Variants in MGAT4C observed in about 807,000 individuals in gnomAD.
MGAT4C encodes alpha-1,3-mannosyl-glycoprotein 4-beta-N-acetylglucosaminyltransferase C.
A neutral mutation model predicts 40.1 loss-of-function variants in MGAT4C; 19 were observed. That is an observed-to-expected ratio of 0.47 (90% CI 0.33 to 0.70). MGAT4C has a LOEUF of 0.70. MGAT4C is among the 30% of genes least tolerant of loss of function. The pLI is 0.02. For synonymous variants in MGAT4C, 181 were observed against 187.1 expected (o/e 0.97, Z 0.27); for missense variants, 491 against 563.2 (o/e 0.87, Z 1.30).
intron 2 of MGAT4C, among the ~76,000 whole-genome samples, chr12:86,467,948 G>A (rs1048015375): frequency 3.9e-5 from 6 of 151,990 alleles, no homozygotes; most frequent in African/African-American, 1.4e-4. Context: ...TGAATTAGCT[G>A]CTATCTTTTT....
At position 86,802,761 on chromosome 12, in the gene MGAT4C, A is replaced by C. The variant is rs1273437792; in HGVS notation, c.-262+35905T>G. On this transcript the variant is annotated intron_variant, in intron 1 of 7. Coordinates refer to the MGAT4C transcript ENST00000548651. The stretch of plus-strand genomic sequence containing the variant: ...TACAAACCACTGCTCAAAGAAATAA[A>C]AGAGGATACAAACAAATGGAAGAAC... 2.7e-5 allele frequency among the ~76,000 whole-genome samples: 4 copies of C among 146,782 alleles called. No individual in the cohort carries two copies. The East Asian group carries it at 7.9e-4, about 29-fold the overall frequency.
At position 85,977,579 on chromosome 12, in the gene MGAT4C, C is replaced by T. The variant is rs1884087933; in HGVS notation, c.*1710G>A. On this transcript the variant is annotated 3_prime_UTR_variant, in exon 5 of 5. Coordinates refer to ENST00000611864, the MANE Select transcript of MGAT4C (RefSeq NM_001351288.2). ...AGTAGCTGAATACAAAGAAAATACA[C>T]AACAGCTGTTTATAAATGAAATAAA... 6.6e-6 allele frequency: 1 copy of T among 151,364 alleles called. No individual in the cohort carries two copies. The highest frequency in any genetic ancestry group is 1.5e-5 in the Non-Finnish European group (1 of 67,524). The allele number at this position is 151,364 out of a possible 1,614,324, so 9.4% of individuals were successfully genotyped here. A position where few individuals can be genotyped will look rare whatever the true frequency, so the allele number is the denominator to read the frequency against.
At chr12:86,126,732 C>G (rs553982829) in intron 1 of MGAT4C, among the ~76,000 whole-genome samples, 1 of 152,162 alleles carries the variant, frequency 6.6e-6, no homozygotes, top group East Asian at 1.9e-4. Context: ...GGAATATGTT[C>G]TGAGAAAATG....
At chr12:86,149,494 G>A (rs143453744) in intron 1 of MGAT4C, among the ~76,000 whole-genome samples, 26 of 152,254 alleles carry the variant, frequency 1.7e-4, no homozygotes, top group African/African-American at 6.3e-4. Context: ...TTTTTACAGT[G>A]TTCACTTAAG....
At chr12:85,983,806 G>A (rs990353557) in intron 3 of MGAT4C, 136 bp from the exon 4 acceptor site, 10 of 635,536 alleles carry the variant, frequency 1.6e-5, no homozygotes, top group South Asian at 3.9e-5. Context: ...AACTACTGAC[G>A]TCATAAGCTG....
At chr12:86,151,310 G>GAA (rs11399448) in intron 1 of MGAT4C, among the ~76,000 whole-genome samples, 33 of 150,418 alleles carry the variant, frequency 2.2e-4, no homozygotes, top group East Asian at 1.6e-3. Context: ...ACACACAGCG[G>GAA]AAAAAAAAAA....
intron 1 of MGAT4C, among the ~76,000 whole-genome samples, chr12:86,241,082 C>T (rs1359927235): frequency 6.6e-6 from 1 of 152,042 alleles, no homozygotes; most frequent in Non-Finnish European, 1.5e-5. Context: ...AAAAATAATA[C>T]ACAGGTGATT....
chr12:86,093,916 A>G (rs1228944441), intron 1 of MGAT4C, among the ~76,000 whole-genome samples: 2 of 152,144 alleles, frequency 1.3e-5, no homozygotes, highest in Admixed American at 1.3e-4. Flanking sequence ...CTTCTTCAAT[A>G]TGCTATAAAT....
At chr12:86,089,727 A>G (rs1345783550) in intron 1 of MGAT4C, among the ~76,000 whole-genome samples, 1 of 151,400 alleles carries the variant, frequency 6.6e-6, no homozygotes, top group Admixed American at 6.6e-5. Context: ...TTTGCCTATC[A>G]TTTATTTTCA....
intron 3 of MGAT4C, among the ~76,000 whole-genome samples, chr12:85,984,450 T>C: frequency 6.6e-6 from 1 of 152,140 alleles, no homozygotes; most frequent in East Asian, 1.9e-4. Flanking sequence ...CTTTTATTTA[T>C]TTGGTGATGG....
At chr12:86,168,918 T>G (rs562832630) in intron 1 of MGAT4C, among the ~76,000 whole-genome samples, 1 of 152,174 alleles carries the variant, frequency 6.6e-6, no homozygotes, top group Admixed American at 6.6e-5. Flanking sequence ...TACAATCTTA[T>G]GAAATCTAAG....
At chr12:86,512,962 C>T (rs1411143936) in intron 2 of MGAT4C, among the ~76,000 whole-genome samples, 2 of 151,880 alleles carry the variant, frequency 1.3e-5, no homozygotes, top group East Asian at 1.9e-4. Context: ...ATGAGAAAAA[C>T]AGAATTGAGT....
At chr12:86,436,154 C>T (rs1052531845) in intron 2 of MGAT4C, among the ~76,000 whole-genome samples, 2 of 151,772 alleles carry the variant, frequency 1.3e-5, no homozygotes, top group African/African-American at 2.4e-5. Context: ...TATGAATTAA[C>T]TGGATGGAGA....
intron 3 of MGAT4C, among the ~76,000 whole-genome samples, chr12:86,349,745 T>C (rs1413534454): frequency 6.6e-6 from 1 of 152,146 alleles, no homozygotes; most frequent in Non-Finnish European, 1.5e-5. Context: ...TTTTGTTTTG[T>C]TTTAACTCCA....
intron 2 of MGAT4C, among the ~76,000 whole-genome samples, chr12:86,665,286 T>A (rs913003734): frequency 6.6e-6 from 1 of 152,202 alleles, no homozygotes; most frequent in African/African-American, 2.4e-5. Context: ...CCTTTTCTTC[T>A]CTACAATTTT....
At chr12:86,108,226 G>T (rs988089829) in intron 1 of MGAT4C, among the ~76,000 whole-genome samples, 2 of 151,914 alleles carry the variant, frequency 1.3e-5, no homozygotes, top group African/African-American at 4.8e-5. Flanking sequence ...TCTTCCTTTG[G>T]CATTTAGACA....
At chr12:86,281,642 C>G (rs556764781) in intron 4 of MGAT4C, among the ~76,000 whole-genome samples, 7 of 152,132 alleles carry the variant, frequency 4.6e-5, no homozygotes, top group African/African-American at 1.7e-4. Context: ...CCTCAGCCTT[C>G]TTAATTGCTG....
intron 1 of MGAT4C, among the ~76,000 whole-genome samples, chr12:86,209,398 T>G (rs1950374985): frequency 6.6e-6 from 1 of 152,104 alleles, no homozygotes; most frequent in Admixed American, 6.6e-5. Context: ...CAGTATTTGT[T>G]AGTCTAAGGA....
intron 1 of MGAT4C, among the ~76,000 whole-genome samples, chr12:86,119,977 T>A (rs1332926100): frequency 6.6e-6 from 1 of 151,758 alleles, no homozygotes; most frequent in African/African-American, 2.4e-5. Context: ...TGGTGGCATA[T>A]CATGAATTAA....
Sources: allele counts gnomAD v4.1 joint callset (sites outside exome capture counted in the v4.1 genomes callset), GRCh38; gene constraint gnomAD v4.1.1; transcripts MANE v1.5; gene names NCBI Gene and HGNC (gene_info 2026-07-23, HGNC 2026-07-21).